Variants in TMEM132B observed in about 807,000 individuals in gnomAD.
TMEM132B encodes the protein transmembrane protein 132B.
In TMEM132B, 18 loss-of-function variants were observed where a neutral mutation model predicts 90.8. The observed-to-expected ratio is 0.20, with a 90% CI of 0.14 to 0.29. TMEM132B has a LOEUF of 0.29. Among genes scored for constraint, TMEM132B ranks in the 10% least tolerant of loss-of-function variants. The pLI is 1.00. For missense variants in TMEM132B, 1,096 were observed against 1,326.8 expected (o/e 0.83, Z 2.70); for synonymous variants, 504 against 523.3 (o/e 0.96, Z 0.50).
intron 5 of TMEM132B, among the ~76,000 whole-genome samples, chr12:125,633,670 C>T (rs180775966): frequency 7.3e-5 from 11 of 150,734 alleles, no homozygotes; most frequent in Admixed American, 1.4e-4. Context: ...TTCTTGCAGA[C>T]GCATAGTGGT....
intron 3 of TMEM132B, among the ~76,000 whole-genome samples, chr12:125,511,869 G>GGAAA (rs1882989844): frequency 7.9e-6 from 1 of 127,310 alleles, no homozygotes; most frequent in Non-Finnish European, 1.7e-5. Flanking sequence ...AAAAAAAAAA[G>GGAAA]AAAAGAAAAA....
intron 3 of TMEM132B, among the ~76,000 whole-genome samples, chr12:125,483,254 A>G (rs1204658710): frequency 1.3e-5 from 2 of 152,188 alleles, no homozygotes; most frequent in African/African-American, 4.8e-5. Context: ...TAAAAAAAAC[A>G]TTAACAATGA....
chr12:125,315,233 C>G (rs972236564), intron 1 of TMEM132B, among the ~76,000 whole-genome samples: 3 of 152,250 alleles, frequency 2.0e-5, no homozygotes, highest in African/African-American at 7.2e-5. Context: ...GGGTCTCGCT[C>G]TGTCACTCAG....
At chr12:125,571,477 T>C (rs1884792842) in intron 4 of TMEM132B, among the ~76,000 whole-genome samples, 1 of 152,230 alleles carries the variant, frequency 6.6e-6, no homozygotes, top group Admixed American at 6.5e-5. Flanking sequence ...TAACAAATAA[T>C]GCATGTAAAT....
At chr12:125,468,819 GT>G (rs1881639772) in intron 3 of TMEM132B, among the ~76,000 whole-genome samples, 1 of 152,036 alleles carries the variant, frequency 6.6e-6, no homozygotes, top group Non-Finnish European at 1.5e-5. Flanking sequence ...AACCGTCTTG[GT>G]TAAGTTTATA....
chr12:125,188,447 C>T (rs1260253155), intron 1 of TMEM132B, among the ~76,000 whole-genome samples: 1 of 152,096 alleles, frequency 6.6e-6, no homozygotes, highest in African/African-American at 2.4e-5. Context: ...TCAGCATTTG[C>T]CTGGATGTGC....
At chr12:125,207,914 A>T (rs1319575444) in intron 1 of TMEM132B, among the ~76,000 whole-genome samples, 1 of 152,230 alleles carries the variant, frequency 6.6e-6, no homozygotes, top group Non-Finnish European at 1.5e-5. Flanking sequence ...TTTAAGACTG[A>T]ATAACATCCC....
intron 1 of TMEM132B, among the ~76,000 whole-genome samples, chr12:125,272,973 G>A (rs1295413505): frequency 6.6e-6 from 1 of 152,172 alleles, no homozygotes; most frequent in Non-Finnish European, 1.5e-5. Flanking sequence ...CACTCATGGT[G>A]CCCTTTTGAA....
chr12:125,432,582 A>T (rs1269711609), intron 3 of TMEM132B, among the ~76,000 whole-genome samples: 1 of 119,250 alleles, frequency 8.4e-6, no homozygotes, highest in African/African-American at 3.2e-5. Context: ...GAGTGTTAGA[A>T]TGTGGCCTGC....
At chr12:125,624,078 T>C (rs757084595) in intron 5 of TMEM132B, among the ~76,000 whole-genome samples, 2 of 152,186 alleles carry the variant, frequency 1.3e-5, no homozygotes, top group Non-Finnish European at 2.9e-5. Context: ...ATTCAGTCAG[T>C]TACAGGCTGA....
intron 1 of TMEM132B, among the ~76,000 whole-genome samples, chr12:125,292,731 G>C (rs1286259043): frequency 6.6e-6 from 1 of 152,192 alleles, no homozygotes. Flanking sequence ...CCAAATTTAT[G>C]TCATTCGTAT....
intron 1 of TMEM132B, among the ~76,000 whole-genome samples, chr12:125,258,972 C>T (rs1357550057): frequency 2.0e-5 from 3 of 152,038 alleles, no homozygotes; most frequent in African/African-American, 4.8e-5. Context: ...AGTAGACATA[C>T]GATACGGCAT....
intron 4 of TMEM132B, among the ~76,000 whole-genome samples, chr12:125,576,583 G>A (rs532226896): frequency 6.6e-6 from 1 of 151,072 alleles, no homozygotes; most frequent in African/African-American, 2.4e-5. Context: ...TTACCACTGT[G>A]ATATTAGCTG....
rs893137819 is a variant in TMEM132B, at chr12:125,209,410, C to T, written c.67+22544C>T. On this transcript the variant is annotated intron_variant, in intron 1 of 8. Transcript: ENST00000682704. The surrounding 1 kb of genome is among the most constrained non-coding windows in gnomAD (Gnocchi z 4.4). ...TAGCAGTGGCAGCAGAGTGGCTGGTCACTGGGACAGTGCTCGACTGGGGGA... is the reference window on the plus strand; with the variant it reads ...TAGCAGTGGCAGCAGAGTGGCTGGTTACTGGGACAGTGCTCGACTGGGGGA... 1.3e-5 allele frequency among the ~76,000 whole-genome samples: 2 copies of T among 152,202 alleles called. No homozygotes were observed. Among genetic ancestry groups the T allele is most frequent in the Non-Finnish European group, 2.9e-5 (2 of 68,034 alleles).
intron 1 of TMEM132B, among the ~76,000 whole-genome samples, chr12:125,206,545 T>A (rs1873190286): frequency 1.3e-5 from 2 of 152,090 alleles, no homozygotes; most frequent in African/African-American, 4.8e-5. Context: ...GTCTGATTGA[T>A]ATAAACGAGG....
intron 1 of TMEM132B, among the ~76,000 whole-genome samples, chr12:125,193,342 A>T (rs1037999885): frequency 2.0e-5 from 3 of 152,144 alleles, no homozygotes; most frequent in Non-Finnish European, 4.4e-5. Context: ...TTCTGCCCTG[A>T]TGGTGCCTTC....
intron 3 of TMEM132B, among the ~76,000 whole-genome samples, chr12:125,442,928 A>T (rs1880914792): frequency 6.6e-6 from 1 of 152,254 alleles, no homozygotes; most frequent in Non-Finnish European, 1.5e-5. Context: ...GTTCTAAGAT[A>T]CTAGCCCATC....
chr12:125,490,282 C>G lies in TMEM132B; in HGVS notation c.1107-29157C>G, dbSNP rs1342717102. ...TCATTTACAGATGAGGAAACTGAAG[C>G]GTGAAGAGACTAAACCCAAGGTAAC... On this transcript the variant is annotated intron_variant, in intron 3 of 8. Transcript: ENST00000682704. The surrounding 1 kb of genome is among the most constrained non-coding windows in gnomAD (Gnocchi z 4.2). 6.6e-6 allele frequency among the ~76,000 whole-genome samples: 1 copy of G among 151,970 alleles called. No individual in the cohort carries two copies. The highest frequency in any genetic ancestry group is 2.4e-5 in the African/African-American group (1 of 41,362).
chr12:125,336,031 G>A (rs1876945561), intron 1 of TMEM132B, among the ~76,000 whole-genome samples: 1 of 152,134 alleles, frequency 6.6e-6, no homozygotes, highest in South Asian at 2.1e-4. Context: ...TTTTTGGTAT[G>A]GAGCGCTGTT....
Sources: allele counts gnomAD v4.1 joint callset (sites outside exome capture counted in the v4.1 genomes callset), GRCh38; gene constraint gnomAD v4.1.1; non-coding constraint Gnocchi (gnomAD v3.1); transcripts MANE v1.5; gene names NCBI Gene and HGNC (gene_info 2026-07-23, HGNC 2026-07-21).